The following OCA2 variants were observed in gnomAD, a reference collection of about 807,000 sequenced individuals.
OCA2 encodes P protein.
A neutral mutation model predicts 100.2 loss-of-function variants in OCA2; 77 were observed. That is an observed-to-expected ratio of 0.77 (90% CI 0.64 to 0.93). The LOEUF (loss-of-function observed/expected upper bound fraction) is 0.93, where lower values mean the gene tolerates loss of function less well. Among genes scored for constraint, OCA2 ranks in the 40% least tolerant of loss-of-function variants. The pLI is 0.00. For missense variants in OCA2, 1,062 were observed against 1,089.1 expected, an observed-to-expected ratio of 0.98 and a Z score of 0.35; for synonymous variants, 432 against 439.2, an observed-to-expected ratio of 0.98 and a Z score of 0.21.
intron 19 of OCA2, among the ~76,000 whole-genome samples, chr15:27,879,292 T>A (rs2036916795): frequency 6.6e-6 from 1 of 152,204 alleles, no homozygotes; most frequent in Non-Finnish European, 1.5e-5. Context: ...TCTTTGCTAT[T>A]GTGAATAGTG....
intron 23 of OCA2, among the ~76,000 whole-genome samples, chr15:27,786,372 C>T (rs1909266): frequency 4.0e-5 from 6 of 151,840 alleles, no homozygotes; most frequent in Non-Finnish European, 7.4e-5. Context: ...CAACTTGAGA[C>T]GAGTTATCAT....
At chr15:27,930,258 T>A (rs1040944262) in intron 18 of OCA2, among the ~76,000 whole-genome samples, 2 of 152,164 alleles carry the variant, frequency 1.3e-5, no homozygotes, top group African/African-American at 4.8e-5. Context: ...AACAGGTGAA[T>A]GTGTGTACAA....
chr15:27,738,524 A>G, the OCA2 span, among the ~76,000 whole-genome samples: 1 of 152,162 alleles, frequency 6.6e-6, no homozygotes, highest in Admixed American at 6.5e-5. Flanking sequence ...TCACGAGGTC[A>G]GGAGATCGAG....
chr15:28,089,263 C>T (rs61310261), intron 1 of OCA2, among the ~76,000 whole-genome samples: 3,423 of 152,172 alleles, frequency 0.022, 125 homozygotes, highest in African/African-American at 0.077. Context: ...GGGCAGTTAA[C>T]GCAATCATCA....
intron 2 of OCA2, among the ~76,000 whole-genome samples, chr15:28,051,594 C>CT: frequency 8.5e-6 from 1 of 117,458 alleles, no homozygotes; most frequent in Non-Finnish European, 1.6e-5. Context: ...GCCTGGCCTT[C>CT]CTTTTTTTTT....
At chr15:28,022,696 C>A in intron 5 of OCA2, 123 bp from the exon 6 acceptor site, 1 of 733,764 alleles carries the variant, frequency 1.4e-6, no homozygotes, top group South Asian at 1.5e-5. Context: ...CAGTACGCGC[C>A]AGCTTACTCT....
chr15:27,992,293 G>A (rs76582321), intron 9 of OCA2, among the ~76,000 whole-genome samples: 5,433 of 152,152 alleles, frequency 0.036, 469 homozygotes, highest in East Asian at 0.35. Flanking sequence ...TAGAGACGGG[G>A]TTTCACCATG....
At chr15:27,890,060 T>C (rs2037392122) in intron 19 of OCA2, among the ~76,000 whole-genome samples, 2 of 152,320 alleles carry the variant, frequency 1.3e-5, no homozygotes, top group South Asian at 2.1e-4. Context: ...TCTTAAAGCT[T>C]CTTGATATGC....
rs964214301 is a variant in OCA2 at position 27,986,773 on chromosome 15, G to A, written c.1183-130C>T. 5 of 750,280 alleles carry A rather than the reference G, an allele frequency of 6.7e-6. No individual in the cohort carries two copies. The African/African-American group carries it at 8.6e-5, about 13-fold the overall frequency. The allele number at this position is 750,280 out of a possible 1,614,324, so 46.5% of individuals were successfully genotyped here. A position where few individuals can be genotyped will look rare whatever the true frequency, so the allele number is the denominator to read the frequency against. ...ACCACATCACCAAGCTCCTCACTCTGAGATGCAGAAAGACCGTCACTTCCT... is the reference window on the plus strand; with the variant it reads ...ACCACATCACCAAGCTCCTCACTCTAAGATGCAGAAAGACCGTCACTTCCT... On this transcript the variant is annotated intron_variant, in intron 11 of 23. Transcript: ENST00000354638.
intron 23 of OCA2, among the ~76,000 whole-genome samples, chr15:27,765,378 C>T (rs1162894270): frequency 6.6e-6 from 1 of 152,184 alleles, no homozygotes; most frequent in Non-Finnish European, 1.5e-5. Context: ...ACTGAAGAAA[C>T]TCCCCAGGCT....
At chr15:27,724,565 A>T in the OCA2 span, among the ~76,000 whole-genome samples, 1 of 151,958 alleles carries the variant, frequency 6.6e-6, no homozygotes, top group Non-Finnish European at 1.5e-5. Context: ...GACACAGCTC[A>T]TCCTCAGCAG....
intron 2 of OCA2, among the ~76,000 whole-genome samples, chr15:28,069,538 G>A (rs186814845): frequency 0.067 from 9,226 of 137,128 alleles, 351 homozygotes; most frequent in Middle Eastern, 0.098. Flanking sequence ...TCAGTCTGCC[G>A]AATGCCTGCG....
chr15:27,816,900 C>T (rs938363384), intron 23 of OCA2, among the ~76,000 whole-genome samples: 1 of 152,182 alleles, frequency 6.6e-6, no homozygotes, highest in African/African-American at 2.4e-5. Context: ...CCTCCGGAGC[C>T]ACCCACTGCA....
At chr15:27,987,290 A>G (rs899939383) in intron 11 of OCA2, among the ~76,000 whole-genome samples, 1 of 152,168 alleles carries the variant, frequency 6.6e-6, no homozygotes, top group African/African-American at 2.4e-5. Context: ...GTTATTCTGA[A>G]TTTTATCAAC....
At chr15:27,719,561 T>C in the OCA2 span, among the ~76,000 whole-genome samples, 2 of 152,184 alleles carry the variant, frequency 1.3e-5, no homozygotes, top group Non-Finnish European at 2.9e-5. Context: ...CTGCAGGGAA[T>C]GTACAATAAT....
chr15:27,980,384 C>T (rs1384645484), intron 14 of OCA2, among the ~76,000 whole-genome samples: 2 of 152,182 alleles, frequency 1.3e-5, no homozygotes, highest in Non-Finnish European at 1.5e-5. Flanking sequence ...GCCTCAGCCT[C>T]CCAAAGTGCT....
intron 19 of OCA2, among the ~76,000 whole-genome samples, chr15:27,890,076 A>G (rs2037392925): frequency 6.6e-6 from 1 of 152,240 alleles, no homozygotes; most frequent in South Asian, 2.1e-4. Flanking sequence ...TATGCACTCA[A>G]TAGTAGAGAT....
At chr15:27,817,846 T>C (rs1274826786) in intron 23 of OCA2, among the ~76,000 whole-genome samples, 2 of 152,190 alleles carry the variant, frequency 1.3e-5, no homozygotes. Context: ...CGCTTTTACA[T>C]ACTTGAGTGA....
chr15:27,750,387 G>A (rs1458778369), downstream of OCA2, among the ~76,000 whole-genome samples: 1 of 152,148 alleles, frequency 6.6e-6, no homozygotes, highest in Non-Finnish European at 1.5e-5. Context: ...TCCTGGACAG[G>A]CACACTCACC....
Sources: allele counts gnomAD v4.1 joint callset (sites outside exome capture counted in the v4.1 genomes callset), GRCh38; gene constraint gnomAD v4.1.1; transcripts MANE v1.5; gene names NCBI Gene and HGNC (gene_info 2026-07-23, HGNC 2026-07-21).